Variants in LMO3 observed in about 807,000 individuals in gnomAD.
The protein encoded by LMO3 is LIM domain only 3.
Under a neutral mutation model 15.8 loss-of-function variants are expected in LMO3, and 2 were observed. The ratio of observed to expected loss-of-function variants is 0.13; its 90% CI spans 0.05 to 0.40. LMO3 has a LOEUF of 0.40. Ranked by LOEUF, LMO3 falls within the 10% of genes least tolerant of loss-of-function variation. The pLI, the probability that LMO3 is intolerant of heterozygous loss-of-function variation, is 0.99. For synonymous variants in LMO3, 62 were observed against 63.8 expected (o/e 0.97, Z 0.13); for missense variants, 86 against 182.2 (o/e 0.47, Z 3.04).
intron 3 of LMO3, among the ~76,000 whole-genome samples, chr12:16,557,367 AT>A (rs68115649): frequency 0.036 from 5,146 of 142,670 alleles, 207 homozygotes; most frequent in African/African-American, 0.093. Context: ...GGTGGCAAGG[AT>A]TTTTTTTTTT....
Position 16,589,928 on chromosome 12 carries a change from G to A in LMO3, c.206+10727C>T, listed in dbSNP as rs937228550. ...CTGTCTCCGTCTAGCTTTCTGGGAA[G>A]TATGTGTTGGATTTTTTTGTGCATG... On this transcript the variant is annotated intron_variant, in intron 2 of 3. Transcript: ENST00000537304. The surrounding 1 kb of genome is among the most constrained non-coding windows in gnomAD (Gnocchi z 4.2). Among the ~76,000 whole-genome samples the A allele has an allele frequency of 2.6e-5, 4 of 152,070 alleles. No homozygotes were observed. The highest frequency in any genetic ancestry group is 5.9e-5 in the Non-Finnish European group (4 of 68,002).
At chr12:16,552,533 T>A (rs535683245) in intron 3 of LMO3, among the ~76,000 whole-genome samples, 1 of 152,190 alleles carries the variant, frequency 6.6e-6, no homozygotes, top group African/African-American at 2.4e-5. Context: ...TTTTTCCAAC[T>A]GGGTAGCTTT....
intron 2 of LMO3, among the ~76,000 whole-genome samples, chr12:16,579,560 G>T (rs926861048): frequency 6.6e-6 from 1 of 152,152 alleles, no homozygotes; most frequent in East Asian, 1.9e-4. Context: ...TTGAAAAAAA[G>T]ATTTTAGAAT....
intron 3 of LMO3, among the ~76,000 whole-genome samples, chr12:16,553,863 G>T (rs1177076074): frequency 1.3e-5 from 2 of 148,852 alleles, no homozygotes; most frequent in Non-Finnish European, 3.0e-5. Flanking sequence ...TTCAGCATTT[G>T]CAGGAAAAAA....
rs1216370929 is a variant in LMO3, at chr12:16,591,274, T to G, written c.206+9381A>C. Reference sequence around the variant, plus strand: ...CCCACCTCAGGGCCTTTGTACTGGATGTTCCTGAGCCCAGAATGTCCTTCC... The same window carrying G: ...CCCACCTCAGGGCCTTTGTACTGGAGGTTCCTGAGCCCAGAATGTCCTTCC... On this transcript the variant is annotated intron_variant, in intron 2 of 3. Coordinates refer to ENST00000537304, the MANE Select transcript of LMO3 (RefSeq NM_018640.5). This position sits in a 1 kb window ranked among gnomAD's most constrained non-coding sequence, Gnocchi z 4.1. Among the ~76,000 whole-genome samples, 4 of 151,996 alleles carry G rather than the reference T, an allele frequency of 2.6e-5. No homozygotes were observed. Among genetic ancestry groups the G allele is most frequent in the Non-Finnish European group, 4.4e-5 (3 of 67,954 alleles).
chr12:16,568,965 T>C (rs1187879953), intron 2 of LMO3, among the ~76,000 whole-genome samples: 1 of 152,194 alleles, frequency 6.6e-6, no homozygotes, highest in Non-Finnish European at 1.5e-5. Flanking sequence ...ACTTGAAACT[T>C]AAAAATATGT....
chr12:16,550,579 AC>A lies in LMO3; in HGVS notation c.*642del. The A allele has an allele frequency of 6.6e-6, 1 of 152,270 alleles. No individual in the cohort carries two copies. The highest frequency in any genetic ancestry group is 2.1e-4 in the South Asian group (1 of 4,800). The allele number at this position is 152,270 out of a possible 1,614,324, so 9.4% of individuals were successfully genotyped here. A position where few individuals can be genotyped will look rare whatever the true frequency, so the allele number is the denominator to read the frequency against. On this transcript the variant is annotated 3_prime_UTR_variant, in exon 4 of 4. Transcript: ENST00000537304. ...TGTATTTTTTTAAAGCTGATTTTTA[AC>A]CCCCTGAAAATAGGGGGTTATAACA... is the stretch of plus-strand genomic sequence containing the variant.
intron 3 of LMO3, 72 bp from the exon 4 acceptor site, chr12:16,551,399 T>C: frequency 1.1e-6 from 1 of 917,464 alleles, no homozygotes. Context: ...AAGATTTATT[T>C]TCCTATTAAT....
chr12:16,573,627 A>T (rs1372792982), intron 2 of LMO3: 3 of 152,172 alleles, frequency 2.0e-5, no homozygotes, highest in Non-Finnish European at 2.9e-5. Context: ...AAACAACTTG[A>T]AAAAGGGTTA....
chr12:16,571,442 A>T (rs764713419), intron 2 of LMO3, among the ~76,000 whole-genome samples: 3 of 152,106 alleles, frequency 2.0e-5, no homozygotes, highest in Non-Finnish European at 4.4e-5. Flanking sequence ...CAAATTCTTT[A>T]AGAAGGTACT....
chr12:16,604,722 C>G lies in LMO3; in HGVS notation c.-9+1344G>C, dbSNP rs1943932039. 3 of 874,714 alleles carry G rather than the reference C, an allele frequency of 3.4e-6. No individual in the cohort carries two copies. The highest frequency in any genetic ancestry group is 5.4e-6 in the Non-Finnish European group (3 of 552,676). 54.2% of individuals were successfully genotyped at this position (874,714 alleles called of 1,614,324 possible). On this transcript the variant is annotated intron_variant, in intron 1 of 3. Coordinates refer to ENST00000537304, the MANE Select transcript of LMO3 (RefSeq NM_018640.5). This position sits in a 1 kb window ranked among gnomAD's most constrained non-coding sequence, Gnocchi z 5.3. Reference sequence around the variant, plus strand: ...ATCTAGCAAGATTAATTGGTTTAAGCAGCAGTCTTTCAAAGCAGTTACAAC... The same window carrying G: ...ATCTAGCAAGATTAATTGGTTTAAGGAGCAGTCTTTCAAAGCAGTTACAAC...
intron 1 of LMO3, chr12:16,602,116 G>A (rs1943840882): frequency 6.6e-6 from 1 of 152,216 alleles, no homozygotes; most frequent in Non-Finnish European, 1.5e-5. Flanking sequence ...AGACCCTTCT[G>A]CTGCATTATG....
At chr12:16,602,992 G>GA (rs35078906) in intron 1 of LMO3, among the ~76,000 whole-genome samples, 50,077 of 143,436 alleles carry the variant, frequency 0.35, 10,057 homozygotes, top group Non-Finnish European at 0.45. Flanking sequence ...ATGAAAAATC[G>GA]AAAAAAAAAA....
At chr12:16,565,983 CATATATATATATATATATATAT>C (rs61358392) in intron 2 of LMO3, among the ~76,000 whole-genome samples, 1,042 of 43,846 alleles carry the variant, frequency 0.024, 44 homozygotes, top group East Asian at 0.057. Flanking sequence ...GAAAATGTGC[CATATATATATATATATATATAT>C]ATATATATAT....
At chr12:16,605,436 G>GGGCCCCC in intron 1 of LMO3, 1 of 372,022 alleles carries the variant, frequency 2.7e-6, no homozygotes, top group Non-Finnish European at 3.3e-6. Flanking sequence ...CTACCCGCCT[G>GGGCCCCC]CCCCCCCCCC....
At chr12:16,571,937 G>A (rs1223018887) in intron 2 of LMO3, among the ~76,000 whole-genome samples, 1 of 151,838 alleles carries the variant, frequency 6.6e-6, no homozygotes, top group Non-Finnish European at 1.5e-5. Flanking sequence ...TTAAATTTGT[G>A]AATCCTTAAA....
rs375491907 is a variant in LMO3, at chr12:16,604,904, G to A, written c.-9+1162C>T. On this transcript the variant is annotated intron_variant, in intron 1 of 3. Transcript: ENST00000537304. The surrounding 1 kb of genome is among the most constrained non-coding windows in gnomAD (Gnocchi z 5.3). ...TTTTTCTGCATGAGTTGACTTAGGC[G>A]TGTCTGAGTTGCAGCAGCTTCGCAT... 3.5e-5 allele frequency: 56 copies of A among 1,598,314 alleles called. No homozygotes were observed. The highest frequency in any genetic ancestry group is 1.6e-4 in the Middle Eastern group (1 of 6,082).
At chr12:16,569,954 T>C (rs938337515) in intron 2 of LMO3, among the ~76,000 whole-genome samples, 1 of 152,170 alleles carries the variant, frequency 6.6e-6, no homozygotes, top group East Asian at 1.9e-4. Context: ...AAGTTTATAA[T>C]GAAGGAAAGG....
chr12:16,605,541 G>A (rs1943965487), intron 1 of LMO3: 3 of 524,580 alleles, frequency 5.7e-6, no homozygotes, highest in Non-Finnish European at 9.3e-6. Context: ...CGTCAACAAG[G>A]ACCAAAAGAT....
Sources: gnomAD v4.1 joint callset for allele counts (sites outside exome capture counted in the v4.1 genomes callset) on GRCh38, gnomAD v4.1.1 for gene constraint, Gnocchi (gnomAD v3.1) non-coding constraint, MANE v1.5 for transcripts, NCBI Gene and HGNC (gene_info 2026-07-23, HGNC 2026-07-21) for gene names.